The following DTNBP1 variants were observed in gnomAD, a reference collection of about 807,000 sequenced individuals.
DTNBP1 encodes the protein dystrobrevin binding protein 1, also known as dysbindin.
Under a neutral mutation model 42.8 loss-of-function variants are expected in DTNBP1, and 35 were observed. The observed-to-expected ratio is 0.82, with a 90% CI of 0.63 to 1.09. The LOEUF is 1.09. Among genes scored for constraint, DTNBP1 ranks in the 50% least tolerant of loss-of-function variants. The pLI is 0.00. For missense variants in DTNBP1, 457 were observed against 424.2 expected, an observed-to-expected ratio of 1.08 and a Z score of -0.68; for synonymous variants, 171 against 162.2, an observed-to-expected ratio of 1.05 and a Z score of -0.41.
At chr6:15,570,317 C>T (rs1362816898) in intron 7 of DTNBP1, among the ~76,000 whole-genome samples, 3 of 152,162 alleles carry the variant, frequency 2.0e-5, no homozygotes, top group Non-Finnish European at 4.4e-5. Flanking sequence ...TCTGTTTCTT[C>T]CTTGTAGACT....
intron 8 of DTNBP1, among the ~76,000 whole-genome samples, chr6:15,527,925 G>GA (rs1422776324): frequency 6.6e-6 from 1 of 152,008 alleles, no homozygotes; most frequent in African/African-American, 2.4e-5. Context: ...ATAACTATCA[G>GA]AAAAAAAGAA....
intron 7 of DTNBP1, chr6:15,585,883 C>A (rs966538283): frequency 1.3e-5 from 19 of 1,412,290 alleles, no homozygotes; most frequent in Non-Finnish European, 1.8e-5. Flanking sequence ...GAGGCTGAAG[C>A]CAGAAGCAGG....
chr6:15,525,291 T>C (rs1772305989), intron 8 of DTNBP1, among the ~76,000 whole-genome samples: 1 of 152,202 alleles, frequency 6.6e-6, no homozygotes, highest in Admixed American at 6.5e-5. Context: ...GAGCACGGGA[T>C]GCCCCACAGG....
At chr6:15,605,813 T>C (rs1232985955) in intron 6 of DTNBP1, among the ~76,000 whole-genome samples, 1 of 152,242 alleles carries the variant, frequency 6.6e-6, no homozygotes, top group Non-Finnish European at 1.5e-5. Flanking sequence ...ACTCATCTTC[T>C]GAACTATCTG....
intron 3 of DTNBP1, among the ~76,000 whole-genome samples, chr6:15,650,265 T>C (rs2743857): frequency 0.26 from 38,869 of 152,056 alleles, 5,728 homozygotes; most frequent in African/African-American, 0.4. Context: ...TTTAACCATA[T>C]ACTGTATTTA....
intron 6 of DTNBP1, among the ~76,000 whole-genome samples, chr6:15,600,154 T>C (rs905713423): frequency 7.9e-5 from 12 of 152,072 alleles, no homozygotes; most frequent in Non-Finnish European, 4.4e-5. Context: ...CAGCAGTCCA[T>C]ACACGCAGAG....
chr6:15,524,155 G>T (rs949397800), intron 9 of DTNBP1: 30 of 1,420,934 alleles, frequency 2.1e-5, no homozygotes, highest in Non-Finnish European at 2.8e-5. Context: ...CGCACGAAGA[G>T]GGAAGAGTTT....
chr6:15,599,430 G>T (rs948276025), intron 6 of DTNBP1, among the ~76,000 whole-genome samples: 1 of 152,166 alleles, frequency 6.6e-6, no homozygotes, highest in African/African-American at 2.4e-5. Context: ...AGCTGACTCT[G>T]CATGTGTATC....
chr6:15,560,223 G>A (rs1408697020), intron 7 of DTNBP1, among the ~76,000 whole-genome samples: 4 of 151,954 alleles, frequency 2.6e-5, no homozygotes, highest in African/African-American at 7.3e-5. Flanking sequence ...GGAGAATGGC[G>A]TGAACCCAGG....
At chr6:15,537,638 T>C (rs915604887) in intron 7 of DTNBP1, among the ~76,000 whole-genome samples, 2 of 152,132 alleles carry the variant, frequency 1.3e-5, no homozygotes. Flanking sequence ...AATTGGATCA[T>C]GGAGGCAGTT....
At chr6:15,586,038 C>T in intron 7 of DTNBP1, 1 of 1,168,418 alleles carries the variant, frequency 8.6e-7, no homozygotes, top group Non-Finnish European at 1.1e-6. Flanking sequence ...GGTCTGGGAC[C>T]ATACCAAATG....
intron 8 of DTNBP1, among the ~76,000 whole-genome samples, chr6:15,532,619 A>C (rs899224321): frequency 3.3e-5 from 5 of 151,582 alleles, no homozygotes; most frequent in Admixed American, 3.3e-4. Context: ...TCTGTACTGG[A>C]GAATTAAGGG....
chr6:15,595,809 C>T (rs940826544), intron 6 of DTNBP1, among the ~76,000 whole-genome samples: 1 of 152,216 alleles, frequency 6.6e-6, no homozygotes, highest in East Asian at 1.9e-4. Flanking sequence ...AGCAATACTT[C>T]AGCAAGTACT....
intron 8 of DTNBP1, 116 bp downstream of exon 8, chr6:15,533,124 A>C: frequency 1.3e-6 from 2 of 1,523,438 alleles, no homozygotes; most frequent in Non-Finnish European, 1.8e-6. Flanking sequence ...CTGGGGTCTC[A>C]TAACAGAACG....
chr6:15,587,388 A>G lies in DTNBP1; in HGVS notation c.511+5671T>C, dbSNP rs1776122897. ...GTCTCAGTAGGCTCTTTCCTTTGTTAGAATTGTCAAAATGATCCTAAAATT... is the reference window on the plus strand; with the variant it reads ...GTCTCAGTAGGCTCTTTCCTTTGTTGGAATTGTCAAAATGATCCTAAAATT... On this transcript the variant is annotated intron_variant, in intron 7 of 9. Coordinates refer to ENST00000344537, the MANE Select transcript of DTNBP1 (RefSeq NM_032122.5). The surrounding 1 kb of genome is among the most constrained non-coding windows in gnomAD (Gnocchi z 4.1). Among the ~76,000 whole-genome samples, 1 of 152,200 alleles carries G rather than the reference A, an allele frequency of 6.6e-6. No homozygotes were observed. The highest frequency in any genetic ancestry group is 2.1e-4 in the South Asian group (1 of 4,832).
At chr6:15,618,169 TA>T (rs745925493) in intron 5 of DTNBP1, among the ~76,000 whole-genome samples, 3 of 151,472 alleles carry the variant, frequency 2.0e-5, no homozygotes, top group East Asian at 1.9e-4. Flanking sequence ...AAATAAAAAT[TA>T]AAAAAAACCT....
intron 3 of DTNBP1, among the ~76,000 whole-genome samples, chr6:15,648,244 C>A (rs1760793853): frequency 6.6e-6 from 1 of 151,994 alleles, no homozygotes; most frequent in South Asian, 2.1e-4. Context: ...TAGAAGGGAA[C>A]AATCTCAACA....
At chr6:15,635,278 C>T (rs1244280096) in intron 4 of DTNBP1, among the ~76,000 whole-genome samples, 1 of 152,054 alleles carries the variant, frequency 6.6e-6, no homozygotes, top group African/African-American at 2.4e-5. Context: ...ACCACCATGC[C>T]CAGCTAATTT....
intron 2 of DTNBP1, 93 bp from the exon 3 acceptor site, chr6:15,651,456 G>C (rs748475397): frequency 4.0e-6 from 6 of 1,500,846 alleles, no homozygotes; most frequent in African/African-American, 1.4e-5. Flanking sequence ...ATTGTCAATT[G>C]TAATATATTT....
Sources: allele counts gnomAD v4.1 joint callset (sites outside exome capture counted in the v4.1 genomes callset), GRCh38; gene constraint gnomAD v4.1.1; non-coding constraint Gnocchi (gnomAD v3.1); transcripts MANE v1.5; gene names NCBI Gene and HGNC (gene_info 2026-07-23, HGNC 2026-07-21).